SDK1: variants seen among roughly 807,000 people sequenced by gnomAD.
SDK1 encodes protein sidekick-1.
SDK1 carries 157 observed loss-of-function variants against 245.5 expected under a neutral mutation model. That is an observed-to-expected ratio of 0.64 (90% CI 0.56 to 0.73). SDK1 has a LOEUF of 0.73. Among genes scored for constraint, SDK1 ranks in the 30% least tolerant of loss-of-function variants. The probability of loss-of-function intolerance (pLI) is 0.00; values close to 1 mark genes in which losing one functional copy is unlikely to be tolerated. For missense variants in SDK1, 3,583 were observed against 3,002.3 expected (o/e 1.19, Z -4.52); for synonymous variants, 1,647 against 1,278.5 (o/e 1.29, Z -6.15).
At chr7:3,433,388 T>C (rs758192674) in intron 1 of SDK1, among the ~76,000 whole-genome samples, 69 of 152,294 alleles carry the variant, frequency 4.5e-4, no homozygotes, top group Non-Finnish European at 9.0e-4. Flanking sequence ...CAGTAGTATT[T>C]TATTTTATTT....
At chr7:3,802,377 A>G (rs1779128745) in intron 4 of SDK1, among the ~76,000 whole-genome samples, 1 of 152,082 alleles carries the variant, frequency 6.6e-6, no homozygotes, top group Admixed American at 6.6e-5. Flanking sequence ...AAAAATAAAT[A>G]AATAAAAATT....
intron 1 of SDK1, among the ~76,000 whole-genome samples, chr7:3,463,341 C>A (rs1166590040): frequency 6.6e-6 from 1 of 151,646 alleles, no homozygotes; most frequent in Admixed American, 6.6e-5. Context: ...AGTTAGGACT[C>A]ACATATTCAT....
intron 4 of SDK1, among the ~76,000 whole-genome samples, chr7:3,816,282 C>G (rs1306425626): frequency 1.3e-5 from 2 of 151,832 alleles, no homozygotes; most frequent in Non-Finnish European, 2.9e-5. Flanking sequence ...ACAAAAAACC[C>G]TTCAAAAACT....
At chr7:3,857,251 A>G (rs1780570485) in intron 5 of SDK1, among the ~76,000 whole-genome samples, 1 of 152,192 alleles carries the variant, frequency 6.6e-6, no homozygotes, top group Non-Finnish European at 1.5e-5. Flanking sequence ...TGTACTCAGG[A>G]CACAGTCAGT....
chr7:3,886,029 T>C (rs944655468), intron 5 of SDK1, among the ~76,000 whole-genome samples: 1 of 152,122 alleles, frequency 6.6e-6, no homozygotes, highest in Non-Finnish European at 1.5e-5. Flanking sequence ...GGCGGTGCCG[T>C]GCCACAGGGA....
intron 5 of SDK1, among the ~76,000 whole-genome samples, chr7:3,835,563 C>T (rs1020179688): frequency 7.2e-5 from 11 of 152,148 alleles, no homozygotes; most frequent in African/African-American, 2.4e-4. Context: ...TCTCACCCCC[C>T]TTCTATGTTT....
chr7:3,411,694 TATTC>T (rs759397858), intron 1 of SDK1, among the ~76,000 whole-genome samples: 1 of 152,152 alleles, frequency 6.6e-6, no homozygotes, highest in Non-Finnish European at 1.5e-5. Flanking sequence ...CAATTTCTCT[TATTC>T]ATACTAATTC....
chr7:4,009,353 G>A (rs535188266), intron 14 of SDK1, among the ~76,000 whole-genome samples: 9 of 152,176 alleles, frequency 5.9e-5, no homozygotes, highest in African/African-American at 1.9e-4. Flanking sequence ...ATGGCCTTTC[G>A]TCTTCTGCAT....
At chr7:3,860,043 C>T (rs1213259803) in intron 5 of SDK1, among the ~76,000 whole-genome samples, 5 of 151,992 alleles carry the variant, frequency 3.3e-5, no homozygotes, top group Admixed American at 2.6e-4. Flanking sequence ...CCTCAGCCTC[C>T]CGAGTAGCTG....
At chr7:4,206,756 TCTC>T (rs1377161457) in intron 36 of SDK1, among the ~76,000 whole-genome samples, 2 of 152,022 alleles carry the variant, frequency 1.3e-5, no homozygotes, top group African/African-American at 2.4e-5. Flanking sequence ...CCCCCATCCT[TCTC>T]CTAAATAAAT....
intron 1 of SDK1, among the ~76,000 whole-genome samples, chr7:3,340,788 T>C (rs945931642): frequency 3.4e-5 from 5 of 146,556 alleles, no homozygotes; most frequent in Non-Finnish European, 7.5e-5. Context: ...AAAAATCATC[T>C]ATGAAGCACA....
chr7:3,916,199 G>C (rs1297213741), intron 5 of SDK1, among the ~76,000 whole-genome samples: 1 of 152,208 alleles, frequency 6.6e-6, no homozygotes, highest in African/African-American at 2.4e-5. Context: ...TCACATTCCT[G>C]TGAAGCCCTG....
chr7:3,866,743 T>C (rs755204727), intron 5 of SDK1, among the ~76,000 whole-genome samples: 1 of 152,192 alleles, frequency 6.6e-6, no homozygotes. Context: ...GGAAGTGTAC[T>C]GTTCCCAGGG....
At position 4,204,136 on chromosome 7, in the gene SDK1, G is replaced by C. The variant is rs1461881036; in HGVS notation, c.5099-1743G>C. ...AGGGCGATGTCTCACCGACTACCAG[G>C]GTAATGGCCGCGCTCAATTTTGCCT... is the stretch of plus-strand genomic sequence containing the variant. On this transcript the variant is annotated intron_variant, in intron 35 of 44. Coordinates refer to ENST00000404826, the MANE Select transcript of SDK1 (RefSeq NM_152744.4). Among the ~76,000 whole-genome samples, 5 of 152,258 alleles carry C rather than the reference G, an allele frequency of 3.3e-5. 1 individual carries two copies. The East Asian group carries it at 9.6e-4, about 29-fold the overall frequency.
intron 35 of SDK1, among the ~76,000 whole-genome samples, chr7:4,185,293 C>T (rs1176971497): frequency 1.3e-5 from 2 of 152,184 alleles, no homozygotes; most frequent in Non-Finnish European, 1.5e-5. Flanking sequence ...TCAGATGACC[C>T]AGCCAGAGTT....
intron 4 of SDK1, among the ~76,000 whole-genome samples, chr7:3,657,248 T>G (rs1156741472): frequency 6.6e-6 from 1 of 152,036 alleles, no homozygotes; most frequent in Non-Finnish European, 1.5e-5. Flanking sequence ...ATCAAGGCAG[T>G]CGTACAAAGA....
chr7:3,824,779 T>A (rs960517495), intron 5 of SDK1, among the ~76,000 whole-genome samples: 7 of 151,908 alleles, frequency 4.6e-5, no homozygotes, highest in African/African-American at 1.7e-4. Context: ...TAGATTTAAA[T>A]TTTTTTTTAA....
At chr7:3,989,113 T>G in intron 14 of SDK1, among the ~76,000 whole-genome samples, 1 of 152,286 alleles carries the variant, frequency 6.6e-6, no homozygotes, top group Non-Finnish European at 1.5e-5. Flanking sequence ...CTATCTGTAT[T>G]AGTCGGTTTT....
intron 35 of SDK1, 38 bp downstream of exon 35, chr7:4,178,624 G>A (rs780762959): frequency 2.7e-6 from 4 of 1,462,060 alleles, no homozygotes; most frequent in South Asian, 1.1e-5. Flanking sequence ...TGCCAGAGAG[G>A]GCCACAGTGG....
Sources: allele counts gnomAD v4.1 joint callset (sites outside exome capture counted in the v4.1 genomes callset), GRCh38; gene constraint gnomAD v4.1.1; transcripts MANE v1.5; gene names NCBI Gene and HGNC (gene_info 2026-07-23, HGNC 2026-07-21).